GPRIN3: variants seen among roughly 807,000 people sequenced by gnomAD.
GPRIN3 encodes the protein GPRIN family member 3, also known as G protein-regulated inducer of neurite outgrowth 3.
GPRIN3 carries 12 observed loss-of-function variants against 13.7 expected under a neutral mutation model. The ratio of observed to expected loss-of-function variants is 0.87; its 90% confidence interval spans 0.56 to 1.42. The LOEUF (loss-of-function observed/expected upper bound fraction) is 1.42. GPRIN3 is among the 40% of genes most tolerant of loss of function. The probability of loss-of-function intolerance (pLI) is 0.00; values close to 1 mark genes in which losing one functional copy is unlikely to be tolerated. For synonymous variants in GPRIN3, 377 were observed against 372.7 expected (o/e 1.01, Z -0.13); for missense variants, 1,009 against 958.7 (o/e 1.05, Z -0.69).
At position 89,285,203 on chromosome 4, in the gene GPRIN3, T is replaced by C. The variant is rs540982128; in HGVS notation, c.-124+22412A>G. Reference sequence around the variant, plus strand: ...CCTACCCTACACAGGGCGGGGTCGGTTGGGGGGTCAGGGGGCGGGGGAGGG... The same window carrying C: ...CCTACCCTACACAGGGCGGGGTCGGCTGGGGGGTCAGGGGGCGGGGGAGGG... On this transcript the variant is annotated intron_variant, in intron 1 of 1. Transcript: ENST00000609438. Among the ~76,000 whole-genome samples, 227 of 141,902 alleles carry C rather than the reference T, an allele frequency of 1.6e-3. 2 individuals are homozygous for C. Among genetic ancestry groups the C allele is most frequent in the African/African-American group, 5.5e-3 (217 of 39,594 alleles). 93.1% of individuals were successfully genotyped at this position (141,902 alleles called of 152,430 possible).
chr4:89,269,477 A>G (rs1054074651), intron 1 of GPRIN3, among the ~76,000 whole-genome samples: 2 of 152,028 alleles, frequency 1.3e-5, no homozygotes, highest in Non-Finnish European at 2.9e-5. Flanking sequence ...CCTCCTCCAA[A>G]AGGCTAGTGT....
rs1341654383 is a variant in GPRIN3 at position 89,240,882 on chromosome 4, G to GA, written c.*6897dup. On this transcript the variant is annotated 3_prime_UTR_variant, in exon 2 of 2. Transcript: ENST00000609438. ...TAAGCTATTTACATTTTTATGTGTAGAAAATGAAAAATATATATTGATTAG... is the reference window on the plus strand; with the variant it reads ...TAAGCTATTTACATTTTTATGTGTAGAAAAATGAAAAATATATATTGATTAG... 6.6e-6 allele frequency: 1 copy of GA among 152,260 alleles called. No individual in the cohort carries two copies. The highest frequency in any genetic ancestry group is 2.4e-5 in the African/African-American group (1 of 41,550). 9.4% of individuals were successfully genotyped at this position (152,260 alleles called of 1,614,324 possible). A position where few individuals can be genotyped will look rare whatever the true frequency, so the allele number is the denominator to read the frequency against.
chr4:89,280,863 C>T (rs1724226883), intron 1 of GPRIN3, among the ~76,000 whole-genome samples: 1 of 152,090 alleles, frequency 6.6e-6, no homozygotes, highest in Non-Finnish European at 1.5e-5. Flanking sequence ...CTGGCAACCA[C>T]CAGAAGTTAG....
rs1191908743 is a variant in GPRIN3, at chr4:89,239,895, C to G, written c.*7885G>C. 6.6e-6 allele frequency: 1 copy of G among 152,218 alleles called. No individual in the cohort carries two copies. Among genetic ancestry groups the G allele is most frequent in the Non-Finnish European group, 1.5e-5 (1 of 68,076 alleles). 9.4% of individuals were successfully genotyped at this position (152,218 alleles called of 1,614,324 possible). A position where few individuals can be genotyped will look rare whatever the true frequency, so the allele number is the denominator to read the frequency against. On this transcript the variant is annotated 3_prime_UTR_variant, in exon 2 of 2. Coordinates refer to ENST00000609438, the MANE Select transcript of GPRIN3 (RefSeq NM_198281.3). Reference sequence around the variant, plus strand: ...CAGGCTGGTCTTGAACTCCTGACCTCAGGTGATCTGCCTGCCTTGGCCTCC... The same window carrying G: ...CAGGCTGGTCTTGAACTCCTGACCTGAGGTGATCTGCCTGCCTTGGCCTCC...
chr4:89,248,603 T>G lies in GPRIN3; in HGVS notation c.1508A>C (p.His503Pro). ...SEFAEKTTNG[H>P]KTDPDCKLSD... ...TAGTTTGCAATCTGGGTCTGTTTTG[T>G]GGCCGTTTGTCGTTTTCTCTGCAAA... Residue 503 changes from histidine to proline, a missense_variant, in exon 2 of 2, where the codon CAC becomes CCC. By Grantham distance (77) the His-to-Pro change is moderately conservative. Transcript: ENST00000609438. 6.2e-7 allele frequency: 1 copy of G among 1,614,034 alleles called. No homozygotes were observed. Among genetic ancestry groups the G allele is most frequent in the Non-Finnish European group, 8.5e-7 (1 of 1,179,882 alleles).
At chr4:89,301,501 C>T (rs1314614220) in intron 1 of GPRIN3, among the ~76,000 whole-genome samples, 10 of 152,146 alleles carry the variant, frequency 6.6e-5, no homozygotes, top group Admixed American at 6.5e-4. Flanking sequence ...AAATATAGTT[C>T]ACACAAACAC....
At chr4:89,266,324 G>A (rs149210441) in intron 1 of GPRIN3, among the ~76,000 whole-genome samples, 6 of 152,252 alleles carry the variant, frequency 3.9e-5, no homozygotes, top group Admixed American at 1.3e-4. Flanking sequence ...ATGACTCAAG[G>A]AATCCTGGCA....
At position 89,305,856 on chromosome 4, in the gene GPRIN3, T is replaced by C. The variant is rs531638724; in HGVS notation, c.-124+1759A>G. On this transcript the variant is annotated intron_variant, in intron 1 of 1. Coordinates refer to ENST00000609438, the MANE Select transcript of GPRIN3 (RefSeq NM_198281.3). ...CTCCAATTGACACTGATCTGACTCATACAACGCCTCAGTCCTCTACTTCCC... is the reference window on the plus strand; with the variant it reads ...CTCCAATTGACACTGATCTGACTCACACAACGCCTCAGTCCTCTACTTCCC... Among the ~76,000 whole-genome samples, 7 of 152,352 alleles carry C rather than the reference T, an allele frequency of 4.6e-5. No homozygotes were observed. The South Asian group carries it at 1.4e-3, about 32-fold the overall frequency.
chr4:89,261,008 A>G (rs1723606499), intron 1 of GPRIN3, among the ~76,000 whole-genome samples: 1 of 152,168 alleles, frequency 6.6e-6, no homozygotes, highest in Non-Finnish European at 1.5e-5. Flanking sequence ...AAAGAAACAA[A>G]ACACAACCCC....
At chr4:89,284,243 C>T (rs1048631349) in intron 1 of GPRIN3, among the ~76,000 whole-genome samples, 2 of 152,284 alleles carry the variant, frequency 1.3e-5, no homozygotes, top group East Asian at 1.9e-4. Flanking sequence ...AGCAAATGAA[C>T]GGCATGAACA....
At chr4:89,258,835 C>T (rs761137687) in intron 1 of GPRIN3, among the ~76,000 whole-genome samples, 60 of 152,304 alleles carry the variant, frequency 3.9e-4, no homozygotes, top group Admixed American at 1.4e-3. Context: ...AGCCTTTCCA[C>T]GGCTGCACAT....
intron 1 of GPRIN3, among the ~76,000 whole-genome samples, chr4:89,271,216 A>C (rs1415039382): frequency 1.3e-5 from 2 of 152,242 alleles, no homozygotes; most frequent in Admixed American, 6.5e-5. Context: ...CATATTTTAT[A>C]GTCAATGAAA....
chr4:89,250,887 C>T (rs577476970), intron 1 of GPRIN3: 8 of 152,096 alleles, frequency 5.3e-5, no homozygotes, highest in African/African-American at 9.6e-5. Context: ...AGAAAACCTA[C>T]GAATCATAAA....
chr4:89,281,063 G>T (rs917714598), intron 1 of GPRIN3, among the ~76,000 whole-genome samples: 1 of 151,950 alleles, frequency 6.6e-6, no homozygotes, highest in Non-Finnish European at 1.5e-5. Flanking sequence ...GTGAAGGGGG[G>T]GGATAAGCAC....
At chr4:89,257,293 G>A (rs960189129) in intron 1 of GPRIN3, among the ~76,000 whole-genome samples, 11 of 152,102 alleles carry the variant, frequency 7.2e-5, no homozygotes, top group African/African-American at 1.9e-4. Flanking sequence ...AAAAACGAGC[G>A]CATGGCCTGT....
chr4:89,304,341 T>A (rs1724979104), intron 1 of GPRIN3, among the ~76,000 whole-genome samples: 1 of 152,184 alleles, frequency 6.6e-6, no homozygotes, highest in South Asian at 2.1e-4. Context: ...GCTTTCAGAC[T>A]TTTTGGAAAA....
intron 1 of GPRIN3, among the ~76,000 whole-genome samples, chr4:89,270,589 AT>A (rs1723919309): frequency 1.6e-5 from 2 of 126,572 alleles, no homozygotes; most frequent in Admixed American, 1.5e-4. Context: ...ATATATATAT[AT>A]ATATATATAT....
In GPRIN3 at chr4:89,249,814, A is replaced by G; in HGVS notation, c.297T>C (p.Asn99=). The G allele has an allele frequency of 6.2e-7, 1 of 1,614,048 alleles. No homozygotes were observed. The highest frequency in any genetic ancestry group is 8.5e-7 in the Non-Finnish European group (1 of 1,179,992). ...GCTGGCTGCTCCCTGGCAGCTGGGGATTGCCGGGAGAGTTGAATGTGGCAG... is the reference window on the plus strand; with the variant it reads ...GCTGGCTGCTCCCTGGCAGCTGGGGGTTGCCGGGAGAGTTGAATGTGGCAG... ...KAPATFNSPG[N]PQLPGSSQPA... The change falls in exon 2 of 2, where the codon AAT becomes AAC. Residue 99 remains asparagine, a synonymous_variant. Coordinates refer to ENST00000609438, the MANE Select transcript of GPRIN3 (RefSeq NM_198281.3).
chr4:89,260,330 G>A (rs980340252), intron 1 of GPRIN3, among the ~76,000 whole-genome samples: 1 of 152,094 alleles, frequency 6.6e-6, no homozygotes, highest in African/African-American at 2.4e-5. Flanking sequence ...GGAGAACCAG[G>A]CTGCCTGAGA....
Sources: allele counts gnomAD v4.1 joint callset (sites outside exome capture counted in the v4.1 genomes callset), GRCh38; gene constraint gnomAD v4.1.1; transcripts MANE v1.5; gene names NCBI Gene and HGNC (gene_info 2026-07-23, HGNC 2026-07-21).